Variants in WDR48 observed in about 807,000 individuals in gnomAD.
WDR48 encodes the protein WD repeat domain 48, also known as WD repeat-containing protein 48.
Under a neutral mutation model 94.0 loss-of-function variants are expected in WDR48, and 22 were observed. The ratio of observed to expected loss-of-function variants is 0.23; its 90% CI spans 0.17 to 0.33. The LOEUF (loss-of-function observed/expected upper bound fraction) is 0.33, where lower values mean the gene tolerates loss of function less well. Among genes scored for constraint, WDR48 ranks in the 10% least tolerant of loss-of-function variants. The pLI, the probability that WDR48 is intolerant of heterozygous loss-of-function variation, is 1.00. For synonymous variants in WDR48, 278 were observed against 280.5 expected, an observed-to-expected ratio of 0.99 and a Z score of 0.09; for missense variants, 541 against 813.8, an observed-to-expected ratio of 0.66 and a Z score of 4.08.
chr3:39,087,032 G>T (rs2034841130), intron 14 of WDR48, among the ~76,000 whole-genome samples: 1 of 152,150 alleles, frequency 6.6e-6, no homozygotes, highest in Non-Finnish European at 1.5e-5. Context: ...AGACACATGG[G>T]TATGGTCCCT....
At chr3:39,088,299 C>G in intron 15 of WDR48, 66 bp downstream of exon 15, 1 of 1,451,392 alleles carries the variant, frequency 6.9e-7, no homozygotes, top group Non-Finnish European at 9.6e-7. Context: ...AGTGTCGACT[C>G]AAACTCAGTA....
intron 1 of WDR48, among the ~76,000 whole-genome samples, chr3:39,058,098 C>T (rs573804620): frequency 1.3e-5 from 2 of 152,306 alleles, no homozygotes; most frequent in East Asian, 3.9e-4. Flanking sequence ...CCTCCATCAA[C>T]TCTTTCTTAT....
At chr3:39,078,804 G>T (rs1208628506) in intron 10 of WDR48, among the ~76,000 whole-genome samples, 1 of 151,588 alleles carries the variant, frequency 6.6e-6, no homozygotes, top group Non-Finnish European at 1.5e-5. Context: ...GCCAAGGCGG[G>T]CGGATCACGA....
chr3:39,093,959 T>C lies in WDR48; in HGVS notation c.1831T>C (p.Ser611Pro), dbSNP rs981466457. ...AAAAATTATCAACTTGGATAATGAG[T>C]CTCAAACCACTAGCTCTTCTAATAA... ...YEKIINLDNE[S>P]QTTSSSNNEK... The change falls in exon 18 of 19, where the codon TCT becomes CCT. Residue 611 changes from serine (S) to proline (P), a missense_variant. This residue lies in a region of WDR48 where 109 missense variants were observed against 195.5 expected (regional missense o/e 0.56). Coordinates refer to ENST00000302313, the MANE Select transcript of WDR48 (RefSeq NM_020839.4). 3 of 1,613,916 alleles carry C rather than the reference T, an allele frequency of 1.9e-6. No individual in the cohort carries two copies. Among genetic ancestry groups the C allele is most frequent in the Non-Finnish European group, 2.5e-6 (3 of 1,179,968 alleles).
In WDR48 at chr3:39,069,795, G is replaced by A. The variant is rs190678441; in HGVS notation, c.672+51G>A. 60 of 1,509,412 alleles carry A rather than the reference G, an allele frequency of 4.0e-5. No homozygotes were observed. In the Admixed American group the frequency reaches 6.9e-4, roughly 17 times the overall value. The allele number at this position is 1,509,412 out of a possible 1,614,324, so 93.5% of individuals were successfully genotyped here. A position where few individuals can be genotyped will look rare whatever the true frequency, so the allele number is the denominator to read the frequency against. On this transcript the variant is annotated intron_variant, in intron 7 of 18. Transcript: ENST00000302313. ...CCTAATAACCTTGTTAGAAATTTCC[G>A]CACTTTGTATACTATTGCATAGGTT...
intron 1 of WDR48, among the ~76,000 whole-genome samples, chr3:39,055,658 A>G (rs1291622624): frequency 6.6e-6 from 1 of 152,234 alleles, no homozygotes; most frequent in Non-Finnish European, 1.5e-5. Flanking sequence ...ATAATCAAAT[A>G]TGTGAATTCA....
chr3:39,061,576 T>TTA (rs1213353436), intron 1 of WDR48, among the ~76,000 whole-genome samples: 1 of 152,184 alleles, frequency 6.6e-6, no homozygotes, highest in African/African-American at 2.4e-5. Flanking sequence ...GCATGTTTCT[T>TTA]TATAGTAGAA....
At chr3:39,079,947 A>G in intron 11 of WDR48, 139 bp downstream of exon 11, 2 of 468,400 alleles carry the variant, frequency 4.3e-6, no homozygotes, top group South Asian at 4.9e-5. Flanking sequence ...ACTTTCTTAT[A>G]TGAATATTAG....
In WDR48 at chr3:39,084,177, G is replaced by T; in HGVS notation, c.1196G>T (p.Gly399Val). 6.2e-7 allele frequency: 1 copy of T among 1,611,406 alleles called. No homozygotes were observed. The highest frequency in any genetic ancestry group is 8.5e-7 in the Non-Finnish European group (1 of 1,178,282). Residue 399 changes from glycine to valine, a missense_variant, in exon 12 of 19, where the codon GGC (glycine) becomes GTC (valine). Transcript: ENST00000302313. ...VLKACKVEDLGKVDFEDEIKK... is the reference protein window; with the variant it reads ...VLKACKVEDLVKVDFEDEIKK... The stretch of plus-strand genomic sequence containing the variant: ...TAGGCATGTAAAGTTGAAGATCTGG[G>T]CAAAGTGGATTTTGAAGATGAAATT...
chr3:39,069,765 G>A (rs541865838), intron 7 of WDR48, 21 bp downstream of exon 7: 5 of 1,597,014 alleles, frequency 3.1e-6, no homozygotes, highest in East Asian at 2.2e-5. Flanking sequence ...TCATTTGGGT[G>A]TTTACCTAAT....
rs1053322968 is a variant in WDR48, at chr3:39,055,399, C to T, written c.48+3326C>T. Reference sequence around the variant, plus strand: ...ACTTGGGAGGCTGAGACAGGGGAATCGCTTGAACCCAGGAGGCGGAGGTTG... The same window carrying T: ...ACTTGGGAGGCTGAGACAGGGGAATTGCTTGAACCCAGGAGGCGGAGGTTG... On this transcript the variant is annotated intron_variant, in intron 1 of 18. Transcript: ENST00000302313. Among the ~76,000 whole-genome samples the T allele has an allele frequency of 2.6e-5, 4 of 152,276 alleles. No homozygotes were observed. In the South Asian group the frequency reaches 8.3e-4, roughly 32 times the overall value.
rs1488781149 is a variant in WDR48 at position 39,066,766 on chromosome 3, A to G, written c.372A>G (p.Ala124=). 4 of 1,613,942 alleles carry G rather than the reference A, an allele frequency of 2.5e-6. No individual in the cohort carries two copies. The highest frequency in any genetic ancestry group is 2.2e-5 in the East Asian group (1 of 44,872). The change falls in exon 5 of 19, where the codon GCA becomes GCG. Residue 124 remains alanine (A), a synonymous_variant. Coordinates refer to ENST00000302313, the MANE Select transcript of WDR48 (RefSeq NM_020839.4). ...TACAGGATTACGTAAAGGCCTTAGCATATGCCAAGGATAAAGAACTAGTAG... is the reference window on the plus strand; with the variant it reads ...TACAGGATTACGTAAAGGCCTTAGCGTATGCCAAGGATAAAGAACTAGTAG... ...RTHKDYVKAL[A]YAKDKELVAS...
At chr3:39,067,023 G>C in intron 5 of WDR48, 148 bp downstream of exon 5, 1 of 924,536 alleles carries the variant, frequency 1.1e-6, no homozygotes. Flanking sequence ...GCCCCCAAGA[G>C]TATGATTGAA....
chr3:39,088,442 C>T (rs908299740), intron 15 of WDR48, among the ~76,000 whole-genome samples: 2 of 152,174 alleles, frequency 1.3e-5, no homozygotes, highest in Non-Finnish European at 2.9e-5. Flanking sequence ...CTCTAGTGTT[C>T]GAATGAGGTA....
In WDR48 at chr3:39,068,779, T is replaced by G; in HGVS notation, c.490T>G (p.Leu164Val). The change falls in exon 6 of 19, where the codon TTA (leucine) becomes GTA (valine). Residue 164 changes from leucine (L) to valine (V), a missense_variant. Leu to Val is a conservative substitution (Grantham distance 32). Coordinates refer to ENST00000302313, the MANE Select transcript of WDR48 (RefSeq NM_020839.4). The part of the protein sequence containing the change: ...ASNNTVTTSS[L>V]SGNKDSIYSL... ...CCGTTTATCCTCAATAGCTTCTTCT[T>G]TAAGTGGAAACAAAGATTCCATTTA... The G allele has an allele frequency of 1.2e-6, 2 of 1,602,570 alleles. No homozygotes were observed. The highest frequency in any genetic ancestry group is 1.7e-6 in the Non-Finnish European group (2 of 1,172,034).
intron 7 of WDR48, among the ~76,000 whole-genome samples, chr3:39,072,486 C>T (rs1262413312): frequency 2.0e-5 from 3 of 152,158 alleles, no homozygotes; most frequent in African/African-American, 7.2e-5. Context: ...TCTCTGTTGG[C>T]ACTTGAGATT....
chr3:39,076,042 C>G (rs963695228), intron 8 of WDR48, among the ~76,000 whole-genome samples: 1 of 152,120 alleles, frequency 6.6e-6, no homozygotes, highest in South Asian at 2.1e-4. Flanking sequence ...ACTACTACTC[C>G]CTTTTCTCAG....
intron 11 of WDR48, among the ~76,000 whole-genome samples, chr3:39,083,341 G>T (rs1295427275): frequency 1.3e-5 from 2 of 152,120 alleles, no homozygotes; most frequent in Non-Finnish European, 2.9e-5. Context: ...GGATATTTGG[G>T]TATTTTTCAG....
At chr3:39,082,067 G>C (rs183801999) in intron 11 of WDR48, among the ~76,000 whole-genome samples, 54 of 152,274 alleles carry the variant, frequency 3.5e-4, no homozygotes, top group Admixed American at 9.2e-4. Context: ...GAATATGCTA[G>C]GGAACATCTC....
Sources: allele counts gnomAD v4.1 joint callset (sites outside exome capture counted in the v4.1 genomes callset), GRCh38; gene constraint gnomAD v4.1.1; regional missense constraint gnomAD v4.1.1; transcripts MANE v1.5; gene names NCBI Gene and HGNC (gene_info 2026-07-23, HGNC 2026-07-21).